The following TUSC3 variants were observed in gnomAD, a reference collection of about 807,000 sequenced individuals.
The protein encoded by TUSC3 is tumor suppressor candidate 3.
A neutral mutation model predicts 44.8 loss-of-function variants in TUSC3; 45 were observed. The ratio of observed to expected loss-of-function variants is 1.00; its 90% CI spans 0.79 to 1.29. The LOEUF (loss-of-function observed/expected upper bound fraction) is 1.29. Ranked by LOEUF, TUSC3 falls within the 50% of genes most tolerant of loss-of-function variation. The probability of loss-of-function intolerance (pLI) is 0.00; values close to 1 mark genes in which losing one functional copy is unlikely to be tolerated. For synonymous variants in TUSC3, 212 were observed against 152.9 expected (o/e 1.39, Z -2.85); for missense variants, 519 against 437.9 (o/e 1.19, Z -1.65).
chr8:15,780,921 G>C, the TUSC3 span, among the ~76,000 whole-genome samples: 12 of 152,344 alleles, frequency 7.9e-5, no homozygotes. Flanking sequence ...CTTGGGAATA[G>C]AATAGAGAAG....
chr8:15,684,175 G>A (rs903224512), intron 6 of TUSC3, among the ~76,000 whole-genome samples: 10 of 152,176 alleles, frequency 6.6e-5, no homozygotes, highest in Admixed American at 1.3e-4. Context: ...TTCAACTACT[G>A]GTGCCTTTCC....
downstream of TUSC3, among the ~76,000 whole-genome samples, chr8:15,768,296 T>C (rs1466419746): frequency 6.6e-6 from 1 of 152,118 alleles, no homozygotes; most frequent in Non-Finnish European, 1.5e-5. Context: ...CTACATAAAC[T>C]GCAATTCACA....
intron 9 of TUSC3, among the ~76,000 whole-genome samples, chr8:15,752,004 G>C (rs773687138): frequency 6.6e-6 from 1 of 152,136 alleles, no homozygotes; most frequent in Non-Finnish European, 1.5e-5. Context: ...TAGACATGCC[G>C]TGGTGCTTAC....
At chr8:15,758,002 C>A in intron 10 of TUSC3, 147 bp downstream of exon 10, 3 of 1,448,378 alleles carry the variant, frequency 2.1e-6, no homozygotes, top group Middle Eastern at 2.1e-4. Context: ...ATATTCCAGT[C>A]TTACATTATT....
chr8:15,479,905 T>C (rs1185690982), intron 1 of TUSC3, among the ~76,000 whole-genome samples: 1 of 152,152 alleles, frequency 6.6e-6, no homozygotes, highest in Admixed American at 6.5e-5. Context: ...GAAAACACCA[T>C]AGTCTCAGCC....
chr8:15,848,620 G>T, the TUSC3 span, among the ~76,000 whole-genome samples: 1 of 152,156 alleles, frequency 6.6e-6, no homozygotes, highest in Non-Finnish European at 1.5e-5. Flanking sequence ...TTGGCTCTGT[G>T]TGGGTGATCT....
chr8:15,826,489 G>A, the TUSC3 span, among the ~76,000 whole-genome samples: 1 of 152,240 alleles, frequency 6.6e-6, no homozygotes, highest in Non-Finnish European at 1.5e-5. Flanking sequence ...CAACTATTTA[G>A]AGAAAACACT....
At chr8:15,795,933 G>C in the TUSC3 span, among the ~76,000 whole-genome samples, 64 of 152,274 alleles carry the variant, frequency 4.2e-4, 1 homozygote, top group African/African-American at 1.5e-3. Flanking sequence ...AACTCAAACA[G>C]CCACAGCGGA....
intron 6 of TUSC3, 42 bp from the exon 7 acceptor site, chr8:15,730,624 A>C (rs1810681096): frequency 6.3e-7 from 1 of 1,587,536 alleles, no homozygotes; most frequent in Non-Finnish European, 8.6e-7. Flanking sequence ...AATAATTATG[A>C]GGCTTTCTCA....
At chr8:15,762,505 T>A (rs1812202498) in intron 10 of TUSC3, among the ~76,000 whole-genome samples, 1 of 152,084 alleles carries the variant, frequency 6.6e-6, no homozygotes, top group Non-Finnish European at 1.5e-5. Context: ...TTAGAAGGTA[T>A]AAAATTACCA....
the TUSC3 span, among the ~76,000 whole-genome samples, chr8:15,829,129 A>G: frequency 2.0e-5 from 3 of 152,030 alleles, no homozygotes; most frequent in South Asian, 2.1e-4. Context: ...ATGTCGTTCT[A>G]TGGTATGTGC....
chr8:15,509,633 C>T (rs1394174973), intron 2 of TUSC3, among the ~76,000 whole-genome samples: 2 of 151,916 alleles, frequency 1.3e-5, no homozygotes, highest in Admixed American at 1.3e-4. Flanking sequence ...AATAAAATAG[C>T]ACAGAAACAT....
chr8:15,838,561 TA>T, the TUSC3 span, among the ~76,000 whole-genome samples: 1 of 152,112 alleles, frequency 6.6e-6, no homozygotes, highest in South Asian at 2.1e-4. Flanking sequence ...ACCTTTACTT[TA>T]AAAAAACTCA....
intron 3 of TUSC3, among the ~76,000 whole-genome samples, chr8:15,653,379 T>TA (rs1491396645): frequency 4.4e-4 from 67 of 152,238 alleles, no homozygotes; most frequent in Non-Finnish European, 8.1e-4. Context: ...TATTTTTTTT[T>TA]AAAATCTTCT....
At chr8:15,438,209 C>T (rs921665273) in intron 1 of TUSC3, among the ~76,000 whole-genome samples, 1 of 152,098 alleles carries the variant, frequency 6.6e-6, no homozygotes, top group South Asian at 2.1e-4. Context: ...AATCTCCTGC[C>T]TCAGCCTCCC....
chr8:15,669,642 T>C (rs1355232697), intron 5 of TUSC3, among the ~76,000 whole-genome samples: 1 of 151,788 alleles, frequency 6.6e-6, no homozygotes, highest in Non-Finnish European at 1.5e-5. Flanking sequence ...TACATGCATA[T>C]CAGCACTTAA....
chr8:15,504,632 T>C (rs1801027851), intron 2 of TUSC3, among the ~76,000 whole-genome samples: 1 of 105,264 alleles, frequency 9.5e-6, no homozygotes, highest in Non-Finnish European at 2.2e-5. Context: ...TTTTTTTTTT[T>C]TTTTTTTTTT....
At chr8:15,735,839 A>AC (rs1337428461) in intron 7 of TUSC3, among the ~76,000 whole-genome samples, 1 of 151,152 alleles carries the variant, frequency 6.6e-6, no homozygotes, top group East Asian at 1.9e-4. Flanking sequence ...AGCTGGGACT[A>AC]CAGGTGCACG....
At chr8:15,607,664 G>A (rs929821933) in intron 1 of TUSC3, among the ~76,000 whole-genome samples, 5 of 151,920 alleles carry the variant, frequency 3.3e-5, no homozygotes, top group Admixed American at 2.0e-4. Context: ...TTGCTTTATC[G>A]CAACTCCATC....
Sources: allele counts gnomAD v4.1 joint callset (sites outside exome capture counted in the v4.1 genomes callset), GRCh38; gene constraint gnomAD v4.1.1; transcripts MANE v1.5; gene names NCBI Gene and HGNC (gene_info 2026-07-23, HGNC 2026-07-21).